Variants in KNDC1 observed in about 807,000 individuals in gnomAD.
KNDC1 encodes the protein kinase non-catalytic C-lobe domain-containing protein 1.
Under a neutral mutation model 172.8 loss-of-function variants are expected in KNDC1, and 106 were observed. The ratio of observed to expected loss-of-function variants is 0.61; its 90% CI spans 0.52 to 0.72. KNDC1 has a LOEUF of 0.72. KNDC1 is among the 30% of genes least tolerant of loss of function. KNDC1 has a pLI of 0.00. For missense variants in KNDC1, 2,325 were observed against 2,394.5 expected, an observed-to-expected ratio of 0.97 and a Z score of 0.61; for synonymous variants, 1,083 against 1,062.2, an observed-to-expected ratio of 1.02 and a Z score of -0.38.
At chr10:133,214,208 T>C in intron 26 of KNDC1, 86 bp downstream of exon 26, 1 of 1,452,718 alleles carries the variant, frequency 6.9e-7, no homozygotes, top group Non-Finnish European at 9.4e-7. Context: ...GGCCGTGGCC[T>C]GAACCCTCTC....
chr10:133,216,679 A>G (rs761171590), intron 26 of KNDC1, among the ~76,000 whole-genome samples: 1 of 152,200 alleles, frequency 6.6e-6, no homozygotes, highest in Non-Finnish European at 1.5e-5. Context: ...CTCAAAAAAA[A>G]TAAAAAATAA....
rs567824058 is a variant in KNDC1 at position 133,184,260 on chromosome 10, TAC to T, written c.625+278_625+279del. On this transcript the variant is annotated intron_variant, in intron 5 of 29. Coordinates refer to ENST00000304613, the MANE Select transcript of KNDC1 (RefSeq NM_152643.8). ...ATGCGCACACACTGCACACACACGT[TAC>T]ACACACCCATGCACACACACGCTGC... Among the ~76,000 whole-genome samples, 159 of 110,270 alleles carry T rather than the reference TAC, an allele frequency of 1.4e-3. 1 individual carries two copies. In the East Asian group the frequency reaches 0.04, roughly 27 times the overall value. The allele number at this position is 110,270 out of a possible 152,430, so 72.3% of individuals were successfully genotyped here.
At chr10:133,189,716 A>G in intron 8 of KNDC1, 36 bp from the exon 9 acceptor site, 1 of 1,613,810 alleles carries the variant, frequency 6.2e-7, no homozygotes. Context: ...CCGGCTCGCC[A>G]GGGGTGAGGA....
Position 133,211,539 on chromosome 10 carries a change from G to C in KNDC1, c.4026G>C (p.Leu1342=), listed in dbSNP as rs1408462503. 1 of 1,613,970 alleles carries C rather than the reference G, an allele frequency of 6.2e-7. No individual in the cohort carries two copies. The highest frequency in any genetic ancestry group is 1.7e-5 in the Admixed American group (1 of 60,002). The change falls in exon 22 of 30, where the codon CTG becomes CTC. Residue 1342 remains leucine, a synonymous_variant. Coordinates refer to ENST00000304613, the MANE Select transcript of KNDC1 (RefSeq NM_152643.8). ...ACTTCCCTCGGAACAGCGGGCTGCT[G>C]GGGAAGCTAGAGGACTTCATCTCCT... The part of the protein sequence containing the change: ...AVDFPRNSGL[L]GKLEDFISSK...
At chr10:133,216,727 C>G (rs1421852579) in intron 26 of KNDC1, among the ~76,000 whole-genome samples, 1 of 152,108 alleles carries the variant, frequency 6.6e-6, no homozygotes, top group Non-Finnish European at 1.5e-5. Context: ...GCTTTGGTTT[C>G]TTTAGATTTG....
chr10:133,167,954 G>T (rs959156848), intron 2 of KNDC1, among the ~76,000 whole-genome samples: 2 of 152,212 alleles, frequency 1.3e-5, no homozygotes, highest in African/African-American at 4.8e-5. Flanking sequence ...CCCTGCCTCC[G>T]TGGGTCAGCT....
rs368551158 is a variant in KNDC1, at chr10:133,201,629, G to A, written c.3118G>A (p.Val1040Ile). 8.8e-5 allele frequency: 142 copies of A among 1,612,964 alleles called. No homozygotes were observed. Among genetic ancestry groups the A allele is most frequent in the Non-Finnish European group, 1.1e-4 (133 of 1,179,972 alleles). The change falls in exon 17 of 30, where the codon GTA becomes ATA. Residue 1040 changes from valine to isoleucine, a missense_variant. Transcript: ENST00000304613. ...GGTGGGGTTTCGGCCTCAGAGGTCC[G>A]TAAAAGCCGAGAGAGCGCAGCAGCC... Reference protein sequence around the residue: ...FEVGFRPQRSVKAERAQQPEA... With the variant: ...FEVGFRPQRSIKAERAQQPEA...
At chr10:133,184,320 GCACA>G (rs983381030) in intron 5 of KNDC1, among the ~76,000 whole-genome samples, 2 of 135,664 alleles carry the variant, frequency 1.5e-5, no homozygotes, top group African/African-American at 2.8e-5. Context: ...CACAACCCAT[GCACA>G]CACACCTATG....
At chr10:133,206,608 G>C (rs1845200166) in intron 17 of KNDC1, 77 bp from the exon 18 acceptor site, 1 of 1,186,788 alleles carries the variant, frequency 8.4e-7, no homozygotes, top group East Asian at 2.3e-5. Context: ...AGGCCCCAGT[G>C]GGGTGGGGCC....
In KNDC1 at chr10:133,207,250, G is replaced by A. The variant is rs550564406; in HGVS notation, c.3693G>A (p.Ser1231=). The A allele has an allele frequency of 4.3e-5, 70 of 1,613,000 alleles. No individual in the cohort carries two copies. The highest frequency in any genetic ancestry group is 5.5e-5 in the Non-Finnish European group (65 of 1,179,968). Residue 1231 remains serine, a synonymous_variant, in exon 20 of 30, where the codon TCG becomes TCA. Transcript: ENST00000304613. The part of the protein sequence containing the change: ...LDFSPLDESS[S]LIFYNVNKHP... Reference sequence around the variant, plus strand: ...TCAGCCCCCTGGACGAGTCCTCCTCGCTCATCTTCTACAACGTCAACAAGC... The same window carrying A: ...TCAGCCCCCTGGACGAGTCCTCCTCACTCATCTTCTACAACGTCAACAAGC...
rs766779490 is a variant in KNDC1, at chr10:133,206,968, G to A, written c.3579+15G>A. ...AGTATCTGCAGGCAAGTGGGCTCCG[G>A]GCCCCGCTCTGCCCCGTGAGGCAGT... On this transcript the variant is annotated intron_variant, in intron 19 of 29. Coordinates refer to ENST00000304613, the MANE Select transcript of KNDC1 (RefSeq NM_152643.8). 9.3e-6 allele frequency: 15 copies of A among 1,610,916 alleles called. No individual in the cohort carries two copies. In the East Asian group the frequency reaches 2.9e-4, roughly 31 times the overall value.
At chr10:133,165,742 A>G (rs186453659) in intron 1 of KNDC1, among the ~76,000 whole-genome samples, 37 of 152,222 alleles carry the variant, frequency 2.4e-4, no homozygotes, top group African/African-American at 8.2e-4. Context: ...CTCTTTAACC[A>G]GCCTCACAGG....
At chr10:133,187,176 T>C (rs1853944158) in intron 6 of KNDC1, among the ~76,000 whole-genome samples, 1 of 152,170 alleles carries the variant, frequency 6.6e-6, no homozygotes, top group Non-Finnish European at 1.5e-5. Flanking sequence ...CTCCGCTGCC[T>C]CCGCGGGGAC....
At chr10:133,221,478 C>T (rs1440503556) in intron 29 of KNDC1, among the ~76,000 whole-genome samples, 1 of 152,174 alleles carries the variant, frequency 6.6e-6, no homozygotes. Context: ...CAGCCCCAAG[C>T]TCGGCCTCAC....
rs1450513864 is a variant in KNDC1 at position 133,212,929 on chromosome 10, A to G, written c.4443+7A>G. 5 of 1,606,708 alleles carry G rather than the reference A, an allele frequency of 3.1e-6. No homozygotes were observed. The highest frequency in any genetic ancestry group is 4.3e-6 in the Non-Finnish European group (5 of 1,174,928). Reference sequence around the variant, plus strand: ...GCTCACGCTGCTACAGCAGGTGAGGAGGGCGAGGATCTGCGCCCAGGTCAC... The same window carrying G: ...GCTCACGCTGCTACAGCAGGTGAGGGGGGCGAGGATCTGCGCCCAGGTCAC... On this transcript the variant is annotated splice_region_variant and intron_variant, in intron 24 of 29. Transcript: ENST00000304613.
At chr10:133,168,944 G>T (rs1039406287) in intron 3 of KNDC1, among the ~76,000 whole-genome samples, 7 of 152,236 alleles carry the variant, frequency 4.6e-5, no homozygotes, top group Non-Finnish European at 1.0e-4. Flanking sequence ...TGTGTGGCCG[G>T]CTGGAGAGGG....
At position 133,186,401 on chromosome 10, in the gene KNDC1, C is replaced by T. The variant is rs749340820; in HGVS notation, c.1053C>T (p.Gly351=). 1 of 1,612,744 alleles carries T rather than the reference C, an allele frequency of 6.2e-7. No individual in the cohort carries two copies. Among genetic ancestry groups the T allele is most frequent in the South Asian group, 1.1e-5 (1 of 91,082 alleles). ...PRKAFLDRKN[G]LSSFQAQPKC... ...AGGCCTTTCTGGACAGGAAAAATGG[C>T]CTTTCTAGCTTCCAGGCTCAGCCCA... Residue 351 remains glycine (G), a synonymous_variant, in exon 6 of 30, where the codon GGC becomes GGT. Coordinates refer to ENST00000304613, the MANE Select transcript of KNDC1 (RefSeq NM_152643.8).
intron 3 of KNDC1, 39 bp downstream of exon 3, chr10:133,168,351 T>G: frequency 6.3e-7 from 1 of 1,576,214 alleles, no homozygotes; most frequent in Non-Finnish European, 8.7e-7. Context: ...ACCCCCCTTT[T>G]ACCTCTATGG....
chr10:133,214,255 C>A, intron 26 of KNDC1, 133 bp downstream of exon 26: 1 of 965,918 alleles, frequency 1.0e-6, no homozygotes, highest in Non-Finnish European at 1.5e-6. Flanking sequence ...CCCTTGGAAC[C>A]ACACCCGACC....
Sources: allele counts gnomAD v4.1 joint callset (sites outside exome capture counted in the v4.1 genomes callset), GRCh38; gene constraint gnomAD v4.1.1; transcripts MANE v1.5; gene names NCBI Gene and HGNC (gene_info 2026-07-23, HGNC 2026-07-21).